Variants in RNMT observed in about 807,000 individuals in gnomAD.
RNMT encodes mRNA cap guanine-N(7) methyltransferase.
Under a neutral mutation model 56.0 loss-of-function variants are expected in RNMT, and 27 were observed. The observed-to-expected ratio is 0.48, with a 90% CI of 0.36 to 0.67. The LOEUF (loss-of-function observed/expected upper bound fraction) is 0.67, where lower values mean the gene tolerates loss of function less well. Among genes scored for constraint, RNMT ranks in the 30% least tolerant of loss-of-function variants. The pLI is 0.00. For synonymous variants in RNMT, 184 were observed against 176.2 expected, an observed-to-expected ratio of 1.04 and a Z score of -0.35; for missense variants, 519 against 552.1, an observed-to-expected ratio of 0.94 and a Z score of 0.60.
intron 6 of RNMT, among the ~76,000 whole-genome samples, chr18:13,740,670 C>T (rs77897106): frequency 5.3e-5 from 8 of 152,354 alleles, no homozygotes; most frequent in Non-Finnish European, 1.2e-4. Context: ...TGGTGCCCGG[C>T]TACTCATTTT....
At chr18:13,732,742 C>CTTTTT (rs376073026) in intron 3 of RNMT, among the ~76,000 whole-genome samples, 1 of 28,532 alleles carries the variant, frequency 3.5e-5, no homozygotes, top group Non-Finnish European at 8.1e-5. Flanking sequence ...GGAGCCCCCC[C>CTTTTT]TTTTTTTTTT....
rs1294648475 is a variant in RNMT, at chr18:13,746,255, A to G, written c.1175A>G (p.Lys392Arg). Residue 392 changes from lysine (K) to arginine (R), a missense_variant, in exon 9 of 12, where the codon AAA becomes AGA. Transcript: ENST00000383314. Reference sequence around the variant, plus strand: ...AAGTACAATATGAAACTAGTCTACAAAAAAACATTTCTGGAATTCTACGAA... The same window carrying G: ...AAGTACAATATGAAACTAGTCTACAGAAAAACATTTCTGGAATTCTACGAA... The part of the protein sequence containing the change: ...AKKYNMKLVY[K>R]KTFLEFYEEK... The G allele has an allele frequency of 6.4e-7, 1 of 1,566,204 alleles. No homozygotes were observed. The highest frequency in any genetic ancestry group is 1.1e-5 in the South Asian group (1 of 87,882).
chr18:13,727,321 C>G (rs1463553213), intron 1 of RNMT, among the ~76,000 whole-genome samples: 3 of 152,314 alleles, frequency 2.0e-5, no homozygotes, highest in East Asian at 3.9e-4. Context: ...TCGAAATGTT[C>G]GTGTGGTTAT....
chr18:13,746,328 G>A lies in RNMT; in HGVS notation c.1248G>A (p.Gln416=), dbSNP rs762265715. 6.6e-7 allele frequency: 1 copy of A among 1,512,290 alleles called. No homozygotes were observed. The allele number at this position is 1,512,290 out of a possible 1,614,324, so 93.7% of individuals were successfully genotyped here. The change falls in exon 9 of 12, where the codon CAG becomes CAA. Residue 416 remains glutamine, a synonymous_variant. Coordinates refer to ENST00000383314, the MANE Select transcript of RNMT (RefSeq NM_003799.3). ...ATAAAATGCTCTTAAAACGAATGCA[G>A]GCCTTGGAGGTGAGTATTTAGAAAA... ...NENKMLLKRM[Q]ALEPYPANES...
rs749466878 is a variant in RNMT at position 13,746,274 on chromosome 18, C to T, written c.1194C>T (p.Phe398=). The T allele has an allele frequency of 1.9e-6, 3 of 1,576,810 alleles. No homozygotes were observed. The highest frequency in any genetic ancestry group is 2.6e-6 in the Non-Finnish European group (3 of 1,154,010). Residue 398 remains phenylalanine, a synonymous_variant, in exon 9 of 12, where the codon TTC becomes TTT. Coordinates refer to ENST00000383314, the MANE Select transcript of RNMT (RefSeq NM_003799.3). ...TCTACAAAAAAACATTTCTGGAATT[C>T]TACGAAGAAAAGATTAAGAACAATG... The part of the protein sequence containing the change: ...KLVYKKTFLE[F]YEEKIKNNEN...
At position 13,763,475 on chromosome 18, in the gene RNMT, C is replaced by T. The variant is rs1034069550; in HGVS notation, c.*3496C>T. 2 of 190,042 alleles carry T rather than the reference C, an allele frequency of 1.1e-5. No homozygotes were observed. The highest frequency in any genetic ancestry group is 1.0e-4 in the Admixed American group (2 of 19,056). 11.8% of individuals were successfully genotyped at this position (190,042 alleles called of 1,614,324 possible). A position where few individuals can be genotyped will look rare whatever the true frequency, so the allele number is the denominator to read the frequency against. On this transcript the variant is annotated 3_prime_UTR_variant, in exon 12 of 12. Coordinates refer to ENST00000383314, the MANE Select transcript of RNMT (RefSeq NM_003799.3). ...TCCAGTTTGGCTGTGGAGACTTGAG[C>T]AAGCCCTAAAGTCCCCTGCTCCCTG...
At chr18:13,738,549 T>C (rs1220761186) in intron 5 of RNMT, among the ~76,000 whole-genome samples, 1 of 152,230 alleles carries the variant, frequency 6.6e-6, no homozygotes, top group East Asian at 1.9e-4. Context: ...GAAACCTTAG[T>C]GATGAACTTT....
intron 8 of RNMT, among the ~76,000 whole-genome samples, chr18:13,743,829 C>G (rs930964733): frequency 6.6e-6 from 1 of 151,540 alleles, no homozygotes; most frequent in Non-Finnish European, 1.5e-5. Flanking sequence ...TTCAGGAGTT[C>G]TATAATAGCT....
intron 8 of RNMT, among the ~76,000 whole-genome samples, chr18:13,745,304 G>C (rs1031045538): frequency 6.6e-5 from 10 of 152,178 alleles, no homozygotes; most frequent in African/African-American, 2.4e-4. Context: ...CATTGAGGGA[G>C]AGTAAGAATG....
chr18:13,731,364 T>C (rs1472589946), intron 2 of RNMT, 112 bp from the exon 3 acceptor site: 31 of 537,994 alleles, frequency 5.8e-5, no homozygotes, highest in Non-Finnish European at 8.7e-5. Flanking sequence ...GCCGAGATCA[T>C]GCCATTGCAC....
chr18:13,740,222 T>C lies in RNMT; in HGVS notation c.735T>C (p.Asn245=). The change falls in exon 6 of 12, where the codon AAT becomes AAC. Residue 245 remains asparagine, a synonymous_variant. Transcript: ENST00000383314. ...AGCAGCGGTATGAGGACATGAAAAA[T>C]CGTCGTGATAGTGAATATATTTTCA... ...QCQQRYEDMK[N]RRDSEYIFSA... The C allele has an allele frequency of 6.2e-7, 1 of 1,613,138 alleles. No individual in the cohort carries two copies. The highest frequency in any genetic ancestry group is 8.5e-7 in the Non-Finnish European group (1 of 1,179,160).
At chr18:13,757,697 C>T (rs919751239) in intron 11 of RNMT, among the ~76,000 whole-genome samples, 1 of 152,152 alleles carries the variant, frequency 6.6e-6, no homozygotes, top group Non-Finnish European at 1.5e-5. Flanking sequence ...GGGTTGGAAT[C>T]CAGTTCTTCT....
rs763861467 is a variant in RNMT at position 13,734,477 on chromosome 18, G to A, written c.431G>A (p.Gly144Glu). 1.2e-6 allele frequency: 2 copies of A among 1,608,352 alleles called. No individual in the cohort carries two copies. Among genetic ancestry groups the A allele is most frequent in the South Asian group, 2.2e-5 (2 of 89,428 alleles). Residue 144 changes from glycine to glutamate, a missense_variant, in exon 4 of 12, where the codon GGA becomes GAA. Gly to Glu is a moderately conservative substitution (Grantham distance 98, BLOSUM62 -2). Transcript: ENST00000383314. ...VPEKQKNLEE[G>E]HSSTVAAHYN... ...TTTTATTTTCAGAATCTGGAAGAAGGACACAGCTCAACAGTGGCTGCCCAT... is the reference window on the plus strand; with the variant it reads ...TTTTATTTTCAGAATCTGGAAGAAGAACACAGCTCAACAGTGGCTGCCCAT...
intron 9 of RNMT, among the ~76,000 whole-genome samples, chr18:13,748,753 C>G (rs1011624434): frequency 1.4e-4 from 21 of 152,136 alleles, no homozygotes; most frequent in Non-Finnish European, 2.8e-4. Context: ...AAAAGTAACT[C>G]CTTTTAGAGG....
intron 9 of RNMT, among the ~76,000 whole-genome samples, chr18:13,750,515 T>C (rs1452605850): frequency 1.3e-5 from 2 of 152,136 alleles, no homozygotes; most frequent in African/African-American, 4.8e-5. Flanking sequence ...AAGTTGACCA[T>C]AAGGCTGGAT....
At chr18:13,737,564 A>C (rs1054805249) in intron 5 of RNMT, among the ~76,000 whole-genome samples, 5 of 152,066 alleles carry the variant, frequency 3.3e-5, no homozygotes, top group African/African-American at 1.2e-4. Context: ...AATTAGTTAC[A>C]AGACTTTCCT....
chr18:13,742,455 C>A, intron 7 of RNMT, 33 bp from the exon 8 acceptor site: 1 of 1,596,456 alleles, frequency 6.3e-7, no homozygotes, highest in Non-Finnish European at 8.5e-7. Context: ...CAATTTTAAT[C>A]TTTTTATTTT....
At chr18:13,732,610 C>T in intron 3 of RNMT, among the ~76,000 whole-genome samples, 1 of 152,074 alleles carries the variant, frequency 6.6e-6, no homozygotes, top group Non-Finnish European at 1.5e-5. Flanking sequence ...GAGGCAGAAT[C>T]TGGAGTTAGA....
Position 13,734,482 on chromosome 18 carries a change from A to G in RNMT, c.436A>G (p.Ser146Gly). The stretch of plus-strand genomic sequence containing the variant: ...TTTTCAGAATCTGGAAGAAGGACAC[A>G]GCTCAACAGTGGCTGCCCATTACAA... Reference protein sequence around the residue: ...EKQKNLEEGHSSTVAAHYNEL... With the variant: ...EKQKNLEEGHGSTVAAHYNEL... The change falls in exon 4 of 12, where the codon AGC becomes GGC. Residue 146 changes from serine (S) to glycine (G), a missense_variant. Physicochemically the swap from Ser to Gly is moderately conservative, Grantham distance 56. Coordinates refer to ENST00000383314, the MANE Select transcript of RNMT (RefSeq NM_003799.3). 6.2e-7 allele frequency: 1 copy of G among 1,611,102 alleles called. No individual in the cohort carries two copies. The highest frequency in any genetic ancestry group is 8.5e-7 in the Non-Finnish European group (1 of 1,179,072).
Sources: allele counts gnomAD v4.1 joint callset (sites outside exome capture counted in the v4.1 genomes callset), GRCh38; gene constraint gnomAD v4.1.1; transcripts MANE v1.5; gene names NCBI Gene and HGNC (gene_info 2026-07-23, HGNC 2026-07-21).